PCDHGA8: variants seen among roughly 807,000 people sequenced by gnomAD.
The protein encoded by PCDHGA8 is protocadherin gamma subfamily A, 8.
In PCDHGA8, 45 loss-of-function variants were observed where a neutral mutation model predicts 59.2. The ratio of observed to expected loss-of-function variants is 0.76; its 90% confidence interval spans 0.60 to 0.98. The LOEUF (loss-of-function observed/expected upper bound fraction) is 0.98. Among genes scored for constraint, PCDHGA8 ranks in the 50% least tolerant of loss-of-function variants. PCDHGA8 has a pLI of 0.00. For missense variants in PCDHGA8, 1,257 were observed against 1,196.2 expected (o/e 1.05, Z -0.75); for synonymous variants, 531 against 519.0 (o/e 1.02, Z -0.32).
intron 1 of PCDHGA8, chr5:141,428,158 G>A: frequency 6.3e-7 from 1 of 1,577,728 alleles, no homozygotes; most frequent in Non-Finnish European, 8.7e-7. Context: ...GGAACCTGCT[G>A]GTTGCTGTGC....
chr5:141,497,954 G>A (rs1203635313), intron 2 of PCDHGA8, among the ~76,000 whole-genome samples: 7 of 152,198 alleles, frequency 4.6e-5, no homozygotes, highest in Non-Finnish European at 1.5e-5. Context: ...CTTTCTGTTG[G>A]CCAGGCAGTG....
chr5:141,466,769 T>C (rs760924688), intron 1 of PCDHGA8, among the ~76,000 whole-genome samples: 1 of 152,198 alleles, frequency 6.6e-6, no homozygotes, highest in African/African-American at 2.4e-5. Flanking sequence ...CAAACTGTTA[T>C]CTTATTCTTC....
intron 1 of PCDHGA8, chr5:141,414,994 T>C (rs1390374290): frequency 3.7e-6 from 6 of 1,613,626 alleles, no homozygotes; most frequent in Non-Finnish European, 4.2e-6. Flanking sequence ...CCAGAACGCC[T>C]GGCTGTCCTA....
chr5:141,426,909 G>A (rs1293364217), intron 1 of PCDHGA8: 1 of 456,744 alleles, frequency 2.2e-6, no homozygotes, highest in Non-Finnish European at 4.4e-6. Flanking sequence ...TCATCTCCTG[G>A]TCCTGGAAGC....
At chr5:141,483,917 T>A (rs565465724) in intron 1 of PCDHGA8, among the ~76,000 whole-genome samples, 2 of 151,262 alleles carry the variant, frequency 1.3e-5, no homozygotes, top group South Asian at 4.2e-4. Context: ...CCCACTCAGA[T>A]TGCAGGTCGT....
Position 141,431,858 on chromosome 5 carries a change from G to A in PCDHGA8, c.2424+36621G>A, listed in dbSNP as rs1421209596. The A allele has an allele frequency of 1.1e-5, 17 of 1,614,198 alleles. No individual in the cohort carries two copies. Among genetic ancestry groups the A allele is most frequent in the Non-Finnish European group, 1.4e-5 (17 of 1,180,020 alleles). On this transcript the variant is annotated intron_variant, in intron 1 of 3. Coordinates refer to ENST00000398604, the MANE Select transcript of PCDHGA8 (RefSeq NM_032088.2). The surrounding 1 kb of genome is among the most constrained non-coding windows in gnomAD (Gnocchi z 4.8). ...AAACTCTCCCAGAGGGACATTAATTGCCCTTTTAAATGTAAATGACCAAGA... is the reference window on the plus strand; with the variant it reads ...AAACTCTCCCAGAGGGACATTAATTACCCTTTTAAATGTAAATGACCAAGA...
chr5:141,442,870 T>A (rs942975420), intron 1 of PCDHGA8, among the ~76,000 whole-genome samples: 1 of 152,192 alleles, frequency 6.6e-6, no homozygotes, highest in African/African-American at 2.4e-5. Flanking sequence ...AGATGTAAAT[T>A]TACAACTCAG....
chr5:141,492,274 A>C (rs2099739010), intron 1 of PCDHGA8, among the ~76,000 whole-genome samples: 1 of 152,024 alleles, frequency 6.6e-6, no homozygotes, highest in Non-Finnish European at 1.5e-5. Flanking sequence ...CGGGCTCGCC[A>C]CGCCCCGCCA....
rs372031191 is a variant in PCDHGA8, at chr5:141,395,092, C to T, written c.2279C>T (p.Thr760Ile). 3.2e-5 allele frequency: 52 copies of T among 1,614,088 alleles called. No homozygotes were observed. The highest frequency in any genetic ancestry group is 4.2e-5 in the Non-Finnish European group (50 of 1,180,040). Residue 760 changes from threonine (T) to isoleucine (I), a missense_variant, in exon 1 of 4, where the codon ACC (threonine) becomes ATC (isoleucine). Physicochemically the swap from Thr to Ile is moderately conservative, Grantham distance 89 (BLOSUM62 -1). Transcript: ENST00000398604. ...LQTYSQEVSL[T>I]ADSRKSHLIF... is the part of the protein sequence containing the mutation. ...ACCTATTCCCAGGAAGTCTCCCTCA[C>T]CGCCGACTCGCGGAAGAGTCACCTG...
chr5:141,400,352 G>A (rs1214813312), intron 1 of PCDHGA8: 2 of 1,614,044 alleles, frequency 1.2e-6, no homozygotes, highest in Non-Finnish European at 1.7e-6. Flanking sequence ...TACAGTCAGG[G>A]GACTTTGCCT....
At chr5:141,433,640 A>C (rs2097637476) in intron 1 of PCDHGA8, among the ~76,000 whole-genome samples, 2 of 152,138 alleles carry the variant, frequency 1.3e-5, no homozygotes, top group South Asian at 2.1e-4. Flanking sequence ...GTTTGAGACC[A>C]GCCTGACCAA....
intron 1 of PCDHGA8, among the ~76,000 whole-genome samples, chr5:141,465,276 C>A (rs558169180): frequency 6.6e-6 from 1 of 152,254 alleles, no homozygotes; most frequent in South Asian, 2.1e-4. Context: ...CCATTTAGTT[C>A]ACCCCTAAAG....
Position 141,512,931 on chromosome 5 carries a change from C to T in PCDHGA8, c.*1758C>T, listed in dbSNP as rs2099884512. On this transcript the variant is annotated 3_prime_UTR_variant, in exon 4 of 4. Transcript: ENST00000398604. ...GTTTTATACTCTAATATTTATATGG[C>T]TTTTTTTCTTCGACAAAAAAATAAT... The T allele has an allele frequency of 6.6e-6, 1 of 152,006 alleles. No homozygotes were observed. The highest frequency in any genetic ancestry group is 2.4e-5 in the African/African-American group (1 of 41,414). The allele number at this position is 152,006 out of a possible 1,614,324, so 9.4% of individuals were successfully genotyped here.
At chr5:141,445,282 T>G (rs1023693067) in intron 1 of PCDHGA8, among the ~76,000 whole-genome samples, 4 of 152,220 alleles carry the variant, frequency 2.6e-5, no homozygotes, top group Non-Finnish European at 5.9e-5. Context: ...TCTGCATAAG[T>G]TCAGGCTTCC....
chr5:141,506,459 A>G (rs1159808052), intron 3 of PCDHGA8, among the ~76,000 whole-genome samples: 4 of 151,918 alleles, frequency 2.6e-5, no homozygotes, highest in Non-Finnish European at 4.4e-5. Context: ...AAAAAAAAAA[A>G]AAAAAAGAGC....
chr5:141,419,137 C>G, intron 1 of PCDHGA8: 2 of 1,613,892 alleles, frequency 1.2e-6, no homozygotes, highest in Non-Finnish European at 1.7e-6. Context: ...CAGCCACAGA[C>G]AGGGGCAAGC....
intron 1 of PCDHGA8, among the ~76,000 whole-genome samples, chr5:141,402,305 A>AT (rs2150927260): frequency 6.6e-6 from 1 of 152,140 alleles, no homozygotes; most frequent in South Asian, 2.1e-4. Flanking sequence ...GTATTAATAC[A>AT]ATTATATATT....
Position 141,476,019 on chromosome 5 carries a change from C to T in PCDHGA8, c.2425-18788C>T, listed in dbSNP as rs964061075. The T allele has an allele frequency of 3.9e-5, 54 of 1,390,282 alleles. 1 individual carries two copies. Among genetic ancestry groups the T allele is most frequent in the Non-Finnish European group, 4.9e-5 (51 of 1,034,212 alleles). 86.1% of individuals were successfully genotyped at this position (1,390,282 alleles called of 1,614,324 possible). A position where few individuals can be genotyped will look rare whatever the true frequency, so the allele number is the denominator to read the frequency against. Reference sequence around the variant, plus strand: ...ACGGCATCCAGAAAGCCATGTCGGACTCGGCGCCCAGCGCCCAAGCGCTAA... The same window carrying T: ...ACGGCATCCAGAAAGCCATGTCGGATTCGGCGCCCAGCGCCCAAGCGCTAA... On this transcript the variant is annotated intron_variant, in intron 1 of 3. Transcript: ENST00000398604. This position sits in a 1 kb window ranked among gnomAD's most constrained non-coding sequence, Gnocchi z 7.6.
chr5:141,400,245 C>T (rs778709619), intron 1 of PCDHGA8: 66 of 1,613,878 alleles, frequency 4.1e-5, no homozygotes, highest in African/African-American at 4.0e-5. Context: ...TGATTCTGGC[C>T]GTTGCCTTGC....
Sources: allele counts gnomAD v4.1 joint callset (sites outside exome capture counted in the v4.1 genomes callset), GRCh38; gene constraint gnomAD v4.1.1; non-coding constraint Gnocchi (gnomAD v3.1); transcripts MANE v1.5; gene names NCBI Gene and HGNC (gene_info 2026-07-23, HGNC 2026-07-21).